Variants in SPOCK1 observed in about 807,000 individuals in gnomAD.
SPOCK1 encodes the protein SPARC (osteonectin), cwcv and kazal like domains proteoglycan 1, also known as testican-1.
A neutral mutation model predicts 55.3 loss-of-function variants in SPOCK1; 23 were observed. The ratio of observed to expected loss-of-function variants is 0.42; its 90% CI spans 0.30 to 0.59. The LOEUF (loss-of-function observed/expected upper bound fraction) is 0.59. Among genes scored for constraint, SPOCK1 ranks in the 20% least tolerant of loss-of-function variants. SPOCK1 has a pLI of 0.22. For missense variants in SPOCK1, 499 were observed against 552.5 expected (o/e 0.90, Z 0.97); for synonymous variants, 226 against 221.0 (o/e 1.02, Z -0.20).
At chr5:137,431,210 T>C (rs1352733501) in intron 2 of SPOCK1, among the ~76,000 whole-genome samples, 4 of 152,178 alleles carry the variant, frequency 2.6e-5, no homozygotes, top group African/African-American at 9.7e-5. Flanking sequence ...AAACTCCTCA[T>C]TCTTTAAATC....
intron 2 of SPOCK1, among the ~76,000 whole-genome samples, chr5:137,488,654 T>C (rs549799445): frequency 9.2e-5 from 14 of 152,250 alleles, no homozygotes; most frequent in African/African-American, 3.1e-4. Context: ...ACAGCTGAAA[T>C]AAAAAGTAGA....
intron 3 of SPOCK1, among the ~76,000 whole-genome samples, chr5:137,157,691 T>C (rs890651110): frequency 6.6e-6 from 1 of 152,162 alleles, no homozygotes; most frequent in Non-Finnish European, 1.5e-5. Context: ...ACCTCTGAAA[T>C]GATATGAATG....
At chr5:137,330,976 C>T (rs953562219) in intron 2 of SPOCK1, among the ~76,000 whole-genome samples, 3 of 152,238 alleles carry the variant, frequency 2.0e-5, no homozygotes, top group South Asian at 2.1e-4. Flanking sequence ...AGGAGAAGGC[C>T]GGAGAGATGT....
intron 7 of SPOCK1, among the ~76,000 whole-genome samples, chr5:136,990,465 T>C (rs2126963080): frequency 6.6e-6 from 1 of 152,186 alleles, no homozygotes; most frequent in Admixed American, 6.5e-5. Flanking sequence ...TTCTAGCTAT[T>C]GTAAACTCTA....
chr5:137,090,786 C>T (rs956958897), intron 5 of SPOCK1, among the ~76,000 whole-genome samples: 8 of 152,128 alleles, frequency 5.3e-5, no homozygotes, highest in Non-Finnish European at 8.8e-5. Context: ...TCTCTTTGTT[C>T]CCCTGGGTTT....
chr5:137,235,298 G>A (rs1346714560), intron 3 of SPOCK1, among the ~76,000 whole-genome samples: 1 of 152,220 alleles, frequency 6.6e-6, no homozygotes, highest in Non-Finnish European at 1.5e-5. Context: ...CACCTAGAGA[G>A]ACAAGGTAAA....
At chr5:137,457,700 T>C (rs969168491) in intron 2 of SPOCK1, among the ~76,000 whole-genome samples, 2 of 152,158 alleles carry the variant, frequency 1.3e-5, no homozygotes, top group African/African-American at 4.8e-5. Context: ...TGAAAGACAT[T>C]GGAGATGCAA....
chr5:137,476,824 C>A (rs536340534), intron 2 of SPOCK1, among the ~76,000 whole-genome samples: 1 of 152,046 alleles, frequency 6.6e-6, no homozygotes, highest in African/African-American at 2.4e-5. Context: ...ACTTGGAAGG[C>A]TGAGGTGGAA....
intron 3 of SPOCK1, among the ~76,000 whole-genome samples, chr5:137,161,784 T>C (rs1458337057): frequency 6.6e-6 from 1 of 152,194 alleles, no homozygotes; most frequent in Admixed American, 6.5e-5. Context: ...TGCCTGTATC[T>C]AAGATGTGAG....
chr5:137,002,910 A>G (rs1751177567), intron 6 of SPOCK1, among the ~76,000 whole-genome samples: 1 of 152,142 alleles, frequency 6.6e-6, no homozygotes, highest in South Asian at 2.1e-4. Flanking sequence ...TTGTTAATGT[A>G]TGAGCTCAAC....
intron 3 of SPOCK1, among the ~76,000 whole-genome samples, chr5:137,144,919 T>C (rs111584837): frequency 4.3e-4 from 65 of 152,288 alleles, no homozygotes; most frequent in African/African-American, 1.5e-3. Flanking sequence ...TCTCTCCGCA[T>C]ACAAGGAGTG....
At chr5:137,479,661 G>A (rs55656520) in intron 2 of SPOCK1, among the ~76,000 whole-genome samples, 10,287 of 152,298 alleles carry the variant, frequency 0.068, 485 homozygotes, top group South Asian at 0.14. Context: ...GTGAATGCAC[G>A]GAGATGGAGC....
intron 2 of SPOCK1, among the ~76,000 whole-genome samples, chr5:137,356,830 T>TAGAGAGAGAGAGAG (rs1374423446): frequency 1.7e-4 from 2 of 12,004 alleles, no homozygotes; most frequent in Non-Finnish European, 3.3e-4. Flanking sequence ...TATATATATA[T>TAGAGAGAGAGAGAG]ATATATATAG....
At chr5:137,060,179 C>G (rs1237802929) in intron 6 of SPOCK1, among the ~76,000 whole-genome samples, 1 of 152,158 alleles carries the variant, frequency 6.6e-6, no homozygotes, top group Non-Finnish European at 1.5e-5. Context: ...TTCACAATAG[C>G]AAAGACATGC....
At chr5:137,182,413 A>G (rs1754986144) in intron 3 of SPOCK1, among the ~76,000 whole-genome samples, 1 of 152,160 alleles carries the variant, frequency 6.6e-6, no homozygotes, top group African/African-American at 2.4e-5. Context: ...TTCCTAAACA[A>G]TGTCTCAGCT....
At chr5:137,237,649 T>C (rs865812501) in intron 3 of SPOCK1, among the ~76,000 whole-genome samples, 3 of 152,248 alleles carry the variant, frequency 2.0e-5, no homozygotes, top group African/African-American at 7.2e-5. Flanking sequence ...TATTTTGCCC[T>C]TATTCAAAGA....
chr5:137,180,395 C>A (rs1354163707), intron 3 of SPOCK1, among the ~76,000 whole-genome samples: 1 of 152,110 alleles, frequency 6.6e-6, no homozygotes, highest in Non-Finnish European at 1.5e-5. Flanking sequence ...AGAAGAGATA[C>A]TTGACTCTCT....
chr5:137,191,839 C>T (rs1043459402), intron 3 of SPOCK1, among the ~76,000 whole-genome samples: 25 of 152,150 alleles, frequency 1.6e-4, no homozygotes, highest in African/African-American at 5.6e-4. Flanking sequence ...CCAGAAAATT[C>T]CCAATGTCTG....
chr5:137,167,050 A>G (rs1382425415), intron 3 of SPOCK1, among the ~76,000 whole-genome samples: 1 of 152,012 alleles, frequency 6.6e-6, no homozygotes, highest in Non-Finnish European at 1.5e-5. Context: ...AAAAACACTG[A>G]AAGATCTGTT....
Sources: allele counts gnomAD v4.1 joint callset (sites outside exome capture counted in the v4.1 genomes callset), GRCh38; gene constraint gnomAD v4.1.1; transcripts MANE v1.5; gene names NCBI Gene and HGNC (gene_info 2026-07-23, HGNC 2026-07-21).